PPP3CC: variants seen among roughly 807,000 people sequenced by gnomAD.
PPP3CC encodes the protein protein phosphatase 3 catalytic subunit gamma.
In PPP3CC, 35 loss-of-function variants were observed where a neutral mutation model predicts 60.3. The ratio of observed to expected loss-of-function variants is 0.58; its 90% CI spans 0.44 to 0.77. PPP3CC has a LOEUF of 0.77. Ranked by LOEUF, PPP3CC falls within the 30% of genes least tolerant of loss-of-function variation. PPP3CC has a pLI of 0.00. For synonymous variants in PPP3CC, 206 were observed against 224.3 expected (o/e 0.92, Z 0.73); for missense variants, 570 against 628.9 (o/e 0.91, Z 1.00).
intron 4 of PPP3CC, among the ~76,000 whole-genome samples, chr8:22,504,250 C>G (rs1446907706): frequency 1.3e-5 from 2 of 152,032 alleles, no homozygotes; most frequent in East Asian, 3.9e-4. Context: ...GTCAGGGTAA[C>G]TGCAGTATCC....
At chr8:22,539,371 C>T (rs985122700) in intron 12 of PPP3CC, 98 bp from the exon 13 acceptor site, 77 of 1,272,820 alleles carry the variant, frequency 6.0e-5, no homozygotes, top group African/African-American at 2.4e-4. Flanking sequence ...GGCTAAAAAA[C>T]GGGCCCCTGG....
At chr8:22,479,032 G>A (rs1335960985) in intron 3 of PPP3CC, among the ~76,000 whole-genome samples, 1 of 152,074 alleles carries the variant, frequency 6.6e-6, no homozygotes, top group Non-Finnish European at 1.5e-5. Context: ...GAGATCTATC[G>A]AGTATTCATT....
At chr8:22,459,159 TG>T (rs1485472985) in intron 1 of PPP3CC, among the ~76,000 whole-genome samples, 1 of 152,070 alleles carries the variant, frequency 6.6e-6, no homozygotes, top group Non-Finnish European at 1.5e-5. Flanking sequence ...CTGGAACTCC[TG>T]GGCCCAAGTG....
At chr8:22,454,923 G>A (rs1033714513) in intron 1 of PPP3CC, among the ~76,000 whole-genome samples, 9 of 151,896 alleles carry the variant, frequency 5.9e-5, no homozygotes, top group Admixed American at 3.9e-4. Flanking sequence ...GGGCGCGGTG[G>A]TGGACACCTG....
At chr8:22,469,464 C>T (rs1586804968) in intron 1 of PPP3CC, among the ~76,000 whole-genome samples, 1 of 151,912 alleles carries the variant, frequency 6.6e-6, no homozygotes, top group East Asian at 1.9e-4. Context: ...TGTATTGTAC[C>T]TGGTGATGAA....
intron 5 of PPP3CC, among the ~76,000 whole-genome samples, chr8:22,511,697 T>G (rs1839092841): frequency 1.3e-5 from 2 of 152,250 alleles, no homozygotes; most frequent in Non-Finnish European, 2.9e-5. Context: ...GTTAACATTT[T>G]GATATGTACC....
At chr8:22,535,145 C>G (rs1361767603) in intron 12 of PPP3CC, among the ~76,000 whole-genome samples, 1 of 152,160 alleles carries the variant, frequency 6.6e-6, no homozygotes, top group Non-Finnish European at 1.5e-5. Context: ...GAGGGGGTTG[C>G]AGTTTCTCAA....
At chr8:22,492,615 A>T (rs1586829839) in intron 3 of PPP3CC, 1 of 578,456 alleles carries the variant, frequency 1.7e-6, no homozygotes, top group Non-Finnish European at 3.2e-6. Flanking sequence ...TGCTCTGAGA[A>T]GATGAAACAA....
intron 3 of PPP3CC, among the ~76,000 whole-genome samples, chr8:22,477,621 CATTTT>C (rs1249062429): frequency 6.6e-6 from 1 of 151,998 alleles, no homozygotes; most frequent in Non-Finnish European, 1.5e-5. Flanking sequence ...TCTAATTAGG[CATTTT>C]ATTTTATTTT....
chr8:22,468,260 C>A (rs544156621), intron 1 of PPP3CC, among the ~76,000 whole-genome samples: 1 of 152,084 alleles, frequency 6.6e-6, no homozygotes, highest in Non-Finnish European at 1.5e-5. Context: ...CCCGCTACCA[C>A]GCCCAGCTAA....
At chr8:22,489,696 T>TTATATATAAG (rs1159106935) in intron 3 of PPP3CC, among the ~76,000 whole-genome samples, 3 of 44,318 alleles carry the variant, frequency 6.8e-5, no homozygotes, top group African/African-American at 3.6e-4. Context: ...TAAGTATATA[T>TTATATATAAG]TATATATTAT....
chr8:22,468,351 T>C (rs1183048023), intron 1 of PPP3CC, among the ~76,000 whole-genome samples: 1 of 152,168 alleles, frequency 6.6e-6, no homozygotes, highest in Non-Finnish European at 1.5e-5. Flanking sequence ...GTGATCTGCC[T>C]ACCTTGGCCT....
chr8:22,529,088 A>G (rs1175012563), intron 10 of PPP3CC, among the ~76,000 whole-genome samples: 5 of 152,232 alleles, frequency 3.3e-5, no homozygotes, highest in Non-Finnish European at 7.3e-5. Flanking sequence ...TGCTCTCAAT[A>G]AGCTTATTTG....
At chr8:22,489,933 T>A (rs1241457281) in intron 3 of PPP3CC, among the ~76,000 whole-genome samples, 1 of 151,246 alleles carries the variant, frequency 6.6e-6, no homozygotes, top group Non-Finnish European at 1.5e-5. Flanking sequence ...GCAATTCTCC[T>A]GCCTCAGCCT....
At chr8:22,465,357 A>T (rs1188709371) in intron 1 of PPP3CC, among the ~76,000 whole-genome samples, 1 of 152,190 alleles carries the variant, frequency 6.6e-6, no homozygotes. Context: ...TGATGGGTAT[A>T]CTAGAAGCCC....
intron 1 of PPP3CC, among the ~76,000 whole-genome samples, chr8:22,452,996 A>C (rs1245433475): frequency 6.6e-6 from 1 of 152,216 alleles, no homozygotes; most frequent in Non-Finnish European, 1.5e-5. Flanking sequence ...GTGCTTAGTA[A>C]ATATTTAAGT....
intron 8 of PPP3CC, among the ~76,000 whole-genome samples, chr8:22,525,134 A>C (rs1839504470): frequency 6.9e-6 from 1 of 144,744 alleles, no homozygotes; most frequent in Non-Finnish European, 1.5e-5. Flanking sequence ...CAGGCAATAG[A>C]GCAAGACCCT....
At position 22,541,001 on chromosome 8, in the gene PPP3CC, T is replaced by G. The variant is rs891059044; in HGVS notation, c.*199T>G. The G allele has an allele frequency of 5.0e-6, 2 of 403,324 alleles. No homozygotes were observed. Among genetic ancestry groups the G allele is most frequent in the Admixed American group, 4.5e-5 (1 of 22,230 alleles). 25.0% of individuals were successfully genotyped at this position (403,324 alleles called of 1,614,324 possible). On this transcript the variant is annotated 3_prime_UTR_variant, in exon 14 of 14. Transcript: ENST00000240139. ...GTTCAATATATATAAAAAGTGCATC[T>G]GTTTTGTTTTTCCCTTTTTTCTCCA...
intron 1 of PPP3CC, among the ~76,000 whole-genome samples, chr8:22,458,102 A>G (rs983109835): frequency 4.6e-5 from 7 of 151,486 alleles, no homozygotes; most frequent in Admixed American, 1.3e-4. Context: ...ACCAAAAAAC[A>G]AAAAAAACAA....
Sources: gnomAD v4.1 joint callset for allele counts (sites outside exome capture counted in the v4.1 genomes callset) on GRCh38, gnomAD v4.1.1 for gene constraint, MANE v1.5 for transcripts, NCBI Gene and HGNC (gene_info 2026-07-23, HGNC 2026-07-21) for gene names.